Variants in SLC17A8 observed in about 807,000 individuals in gnomAD.
SLC17A8 encodes the protein vesicular glutamate transporter 3.
Under a neutral mutation model 58.0 loss-of-function variants are expected in SLC17A8, and 31 were observed. The ratio of observed to expected loss-of-function variants is 0.53; its 90% CI spans 0.40 to 0.72. SLC17A8 has a LOEUF of 0.72. Ranked by LOEUF, SLC17A8 falls within the 30% of genes least tolerant of loss-of-function variation. The pLI is 0.00. For missense variants in SLC17A8, 655 were observed against 727.8 expected (o/e 0.90, Z 1.15); for synonymous variants, 228 against 249.0 (o/e 0.92, Z 0.79).
intron 1 of SLC17A8, among the ~76,000 whole-genome samples, chr12:100,372,831 C>A (rs1952567436): frequency 6.6e-6 from 1 of 152,150 alleles, no homozygotes; most frequent in Non-Finnish European, 1.5e-5. Flanking sequence ...TCCCAAACTG[C>A]TAGGATTGCA....
chr12:100,378,101 C>T lies in SLC17A8; in HGVS notation c.102-2600C>T, dbSNP rs538356253. ...TATACATGGTATCTAAAGCCCAGAG[C>T]CTGCTTAGATGTCCAGAGGGCATAG... On this transcript the variant is annotated intron_variant, in intron 1 of 11. Coordinates refer to ENST00000323346, the MANE Select transcript of SLC17A8 (RefSeq NM_139319.3). Among the ~76,000 whole-genome samples the T allele has an allele frequency of 4.7e-4, 72 of 152,152 alleles. 1 individual carries two copies. In the South Asian group the frequency reaches 0.015, roughly 31 times the overall value.
chr12:100,408,337 C>T (rs1952841385), intron 9 of SLC17A8, among the ~76,000 whole-genome samples: 2 of 152,256 alleles, frequency 1.3e-5, no homozygotes, highest in South Asian at 4.1e-4. Flanking sequence ...TCTTGTCCTG[C>T]CCCCTCTATA....
rs755212082 is a variant in SLC17A8, at chr12:100,419,968, G to C, written c.1579G>C (p.Glu527Gln). The change falls in exon 12 of 12, where the codon GAA becomes CAA. Residue 527 changes from glutamate (E) to glutamine (Q), a missense_variant. Coordinates refer to ENST00000323346, the MANE Select transcript of SLC17A8 (RefSeq NM_139319.3). ...EEKCGIIDQDELAEEIELNHE... is the reference protein window; with the variant it reads ...EEKCGIIDQDQLAEEIELNHE... Reference sequence around the variant, plus strand: ...GAAATGTGGAATCATTGACCAGGACGAATTAGCTGAGGAGATAGAACTCAA... The same window carrying C: ...GAAATGTGGAATCATTGACCAGGACCAATTAGCTGAGGAGATAGAACTCAA... 2 of 1,613,986 alleles carry C rather than the reference G, an allele frequency of 1.2e-6. No homozygotes were observed. The highest frequency in any genetic ancestry group is 1.7e-6 in the Non-Finnish European group (2 of 1,180,030).
At chr12:100,413,083 A>G (rs538695362) in intron 10 of SLC17A8, among the ~76,000 whole-genome samples, 90 of 152,194 alleles carry the variant, frequency 5.9e-4, no homozygotes, top group African/African-American at 2.0e-3. Context: ...TTAAGGTGGA[A>G]TTTTTCCTAC....
At chr12:100,394,928 G>A (rs1162234307) in intron 4 of SLC17A8, among the ~76,000 whole-genome samples, 1 of 150,504 alleles carries the variant, frequency 6.6e-6, no homozygotes, top group African/African-American at 2.4e-5. Context: ...AAAAATGTAA[G>A]TTGTTATATC....
In SLC17A8 at chr12:100,420,018, A is replaced by G; in HGVS notation, c.1629A>G (p.Lys543=). 8.1e-6 allele frequency: 13 copies of G among 1,614,100 alleles called. No homozygotes were observed. Among genetic ancestry groups the G allele is most frequent in the Non-Finnish European group, 1.1e-5 (13 of 1,179,980 alleles). The change falls in exon 12 of 12, where the codon AAA becomes AAG. Residue 543 remains lysine (K), a synonymous_variant. Transcript: ENST00000323346. The stretch of plus-strand genomic sequence containing the variant: ...ACCATGAGAGTTTTGCGAGTCCCAA[A>G]AAGAAGATGTCTTATGGAGCCACCT... ...ELNHESFASP[K]KKMSYGATSQ...
intron 5 of SLC17A8, among the ~76,000 whole-genome samples, chr12:100,399,162 G>A (rs1226307228): frequency 2.0e-5 from 3 of 152,114 alleles, no homozygotes; most frequent in Non-Finnish European, 4.4e-5. Flanking sequence ...GGGCCGAACC[G>A]GGGGCTCTTT....
At chr12:100,402,544 G>GA (rs1355344981) in intron 7 of SLC17A8, 52 bp from the exon 8 acceptor site, 31 of 1,612,644 alleles carry the variant, frequency 1.9e-5, no homozygotes, top group Middle Eastern at 3.3e-4. Flanking sequence ...CCTTCTTACA[G>GA]AAAAAATGTC....
chr12:100,389,827 A>ATTATTG (rs1342968677), intron 2 of SLC17A8, among the ~76,000 whole-genome samples: 1 of 149,628 alleles, frequency 6.7e-6, no homozygotes, highest in Non-Finnish European at 1.5e-5. Flanking sequence ...TATTATTATT[A>ATTATTG]TTATTACTAT....
chr12:100,404,501 T>TTCACACACAC, intron 9 of SLC17A8: 1 of 220,448 alleles, frequency 4.5e-6, no homozygotes, highest in South Asian at 4.1e-5. Flanking sequence ...ATGGGATATA[T>TTCACACACAC]GCACACACAC....
intron 1 of SLC17A8, among the ~76,000 whole-genome samples, chr12:100,368,309 A>G (rs540911357): frequency 9.2e-5 from 14 of 152,258 alleles, no homozygotes; most frequent in African/African-American, 3.4e-4. Flanking sequence ...CATTGCTCCA[A>G]TTGCTGCATT....
At chr12:100,370,988 C>T (rs1398573005) in intron 1 of SLC17A8, among the ~76,000 whole-genome samples, 1 of 152,130 alleles carries the variant, frequency 6.6e-6, no homozygotes, top group Non-Finnish European at 1.5e-5. Flanking sequence ...GACATAGATA[C>T]TGTGGGAGCA....
chr12:100,363,935 C>G (rs1592985833), intron 1 of SLC17A8, among the ~76,000 whole-genome samples: 1 of 149,068 alleles, frequency 6.7e-6, no homozygotes, highest in South Asian at 2.1e-4. Context: ...CCCAACTACT[C>G]AGGAGGCTGA....
In SLC17A8 at chr12:100,380,823, G is replaced by A. The variant is rs559227009; in HGVS notation, c.224G>A (p.Arg75His). 6 of 1,614,078 alleles carry A rather than the reference G, an allele frequency of 3.7e-6. No homozygotes were observed. Among genetic ancestry groups the A allele is most frequent in the Admixed American group, 3.3e-5 (2 of 60,010 alleles). Reference protein sequence around the residue: ...CDCHCCGLPKRYIIAIMSGLG... With the variant: ...CDCHCCGLPKHYIIAIMSGLG... ...TGCCACTGCTGCGGCCTCCCCAAGC[G>A]TTACATCATTGCTATCATGAGTGGG... The change falls in exon 2 of 12, where the codon CGT becomes CAT. Residue 75 changes from arginine (R) to histidine (H), a missense_variant. Coordinates refer to ENST00000323346, the MANE Select transcript of SLC17A8 (RefSeq NM_139319.3).
chr12:100,391,943 C>A (rs1952719653), intron 3 of SLC17A8, among the ~76,000 whole-genome samples: 1 of 152,072 alleles, frequency 6.6e-6, no homozygotes. Context: ...TCTCTAATGT[C>A]CTTGAGACTC....
chr12:100,363,525 C>T (rs1592985683), intron 1 of SLC17A8, among the ~76,000 whole-genome samples: 3 of 152,156 alleles, frequency 2.0e-5, no homozygotes, highest in South Asian at 2.1e-4. Flanking sequence ...CACCACCATG[C>T]CCGGCTAATT....
chr12:100,357,529 T>A (rs756303187), intron 1 of SLC17A8, 37 bp downstream of exon 1: 6 of 1,324,796 alleles, frequency 4.5e-6, no homozygotes, highest in Non-Finnish European at 6.5e-6. Flanking sequence ...CCTTTCTGAG[T>A]AGCTTCGTAT....
chr12:100,388,245 T>C (rs1385748813), intron 2 of SLC17A8, among the ~76,000 whole-genome samples: 1 of 152,190 alleles, frequency 6.6e-6, no homozygotes, highest in Non-Finnish European at 1.5e-5. Flanking sequence ...ATCTAAAATT[T>C]ACCCCACCAC....
chr12:100,404,533 C>CACACACA (rs60164342), intron 9 of SLC17A8, among the ~76,000 whole-genome samples: 8 of 151,230 alleles, frequency 5.3e-5, no homozygotes, highest in Admixed American at 2.7e-4. Flanking sequence ...CACACACACA[C>CACACACA]CATTCTCTTT....
Sources: gnomAD v4.1 joint callset for allele counts (sites outside exome capture counted in the v4.1 genomes callset) on GRCh38, gnomAD v4.1.1 for gene constraint, MANE v1.5 for transcripts, NCBI Gene and HGNC (gene_info 2026-07-23, HGNC 2026-07-21) for gene names.